CDCP1: variants seen among roughly 807,000 people sequenced by gnomAD.
CDCP1 encodes the protein CUB domain-containing protein 1.
A neutral mutation model predicts 60.2 loss-of-function variants in CDCP1; 29 were observed. The ratio of observed to expected loss-of-function variants is 0.48; its 90% CI spans 0.36 to 0.66. The LOEUF is 0.66. CDCP1 is among the 30% of genes least tolerant of loss of function. The probability of loss-of-function intolerance (pLI) is 0.00; values close to 1 mark genes in which losing one functional copy is unlikely to be tolerated. For synonymous variants in CDCP1, 387 were observed against 431.1 expected, an observed-to-expected ratio of 0.90 and a Z score of 1.27; for missense variants, 876 against 1,074.3, an observed-to-expected ratio of 0.82 and a Z score of 2.58.
intron 1 of CDCP1, among the ~76,000 whole-genome samples, chr3:45,141,910 C>T (rs1031345896): frequency 1.6e-4 from 24 of 152,252 alleles, no homozygotes; most frequent in African/African-American, 5.8e-4. Context: ...AGGCTTACTC[C>T]AACCTCTGCC....
At chr3:45,124,101 A>G (rs1472529051) in intron 1 of CDCP1, among the ~76,000 whole-genome samples, 2 of 152,092 alleles carry the variant, frequency 1.3e-5, no homozygotes, top group African/African-American at 2.4e-5. Flanking sequence ...AAGAATTTCC[A>G]TTTGTTTTAA....
intron 1 of CDCP1, among the ~76,000 whole-genome samples, chr3:45,137,738 G>C (rs546867314): frequency 6.6e-6 from 1 of 150,884 alleles, no homozygotes; most frequent in Non-Finnish European, 1.5e-5. Flanking sequence ...CAGAATTGCC[G>C]GAACCTGGGA....
At chr3:45,114,884 A>T (rs1252351213) in intron 2 of CDCP1, among the ~76,000 whole-genome samples, 1 of 152,238 alleles carries the variant, frequency 6.6e-6, no homozygotes, top group Non-Finnish European at 1.5e-5. Flanking sequence ...ATATTTTCAT[A>T]TCATTTTCAA....
At chr3:45,131,673 C>A (rs1244136870) in intron 1 of CDCP1, among the ~76,000 whole-genome samples, 1 of 151,980 alleles carries the variant, frequency 6.6e-6, no homozygotes, top group African/African-American at 2.4e-5. Flanking sequence ...CACAGTAATC[C>A]CCTGGATTAC....
At chr3:45,140,815 TG>T (rs1278449970) in intron 1 of CDCP1, among the ~76,000 whole-genome samples, 2 of 152,222 alleles carry the variant, frequency 1.3e-5, no homozygotes, top group Non-Finnish European at 2.9e-5. Context: ...ATTTCAGAAA[TG>T]TGTATATTTA....
At position 45,126,443 on chromosome 3, in the gene CDCP1, T is replaced by C. The variant is rs540822589; in HGVS notation, c.83-7822A>G. Among the ~76,000 whole-genome samples the C allele has an allele frequency of 2.0e-5, 3 of 152,192 alleles. No homozygotes were observed. In the East Asian group the frequency reaches 5.8e-4, roughly 29 times the overall value. ...TAGTCACATCGCCAAACTTGGAGTCTTCCTAGTCCAGTGGACCTGAGGCAG... is the reference window on the plus strand; with the variant it reads ...TAGTCACATCGCCAAACTTGGAGTCCTCCTAGTCCAGTGGACCTGAGGCAG... On this transcript the variant is annotated intron_variant, in intron 1 of 8. Transcript: ENST00000296129.
intron 1 of CDCP1, among the ~76,000 whole-genome samples, chr3:45,124,265 T>C (rs1698936609): frequency 6.6e-6 from 1 of 152,220 alleles, no homozygotes; most frequent in Non-Finnish European, 1.5e-5. Flanking sequence ...GAAGTCATTT[T>C]TCTCCCAGAT....
chr3:45,128,965 C>A (rs1402613054), intron 1 of CDCP1, among the ~76,000 whole-genome samples: 2 of 152,236 alleles, frequency 1.3e-5, no homozygotes, highest in Admixed American at 1.3e-4. Flanking sequence ...GATACACCTG[C>A]CTTAGCCTCC....
upstream of CDCP1, chr3:45,146,457 C>T: frequency 1.9e-6 from 1 of 518,086 alleles, no homozygotes; most frequent in Non-Finnish European, 3.3e-6. Context: ...CCGGTGCGTC[C>T]CTCCTCTCTC....
chr3:45,086,305 G>T (rs1425099283), intron 8 of CDCP1, among the ~76,000 whole-genome samples: 1 of 152,170 alleles, frequency 6.6e-6, no homozygotes, highest in East Asian at 1.9e-4. Flanking sequence ...GTAGAAGAGT[G>T]GTTTAGAGAG....
intron 2 of CDCP1, among the ~76,000 whole-genome samples, chr3:45,113,398 CA>C (rs1345181503): frequency 1.3e-5 from 2 of 152,046 alleles, no homozygotes; most frequent in East Asian, 3.8e-4. Flanking sequence ...AAAGAGAAAA[CA>C]AGAGGAAAGT....
rs531832180 is a variant in CDCP1 at position 45,142,011 on chromosome 3, T to C, written c.82+4195A>G. Among the ~76,000 whole-genome samples, 6 of 152,256 alleles carry C rather than the reference T, an allele frequency of 3.9e-5. No individual in the cohort carries two copies. The South Asian group carries it at 1.2e-3, about 32-fold the overall frequency. Reference sequence around the variant, plus strand: ...CATGTTTGGCTAATTTTTGTATTTTTTAGTACAGACGGTGTTTTGCCATGT... The same window carrying C: ...CATGTTTGGCTAATTTTTGTATTTTCTAGTACAGACGGTGTTTTGCCATGT... On this transcript the variant is annotated intron_variant, in intron 1 of 8. Transcript: ENST00000296129.
chr3:45,138,061 T>C (rs1421042135), intron 1 of CDCP1, among the ~76,000 whole-genome samples: 1 of 152,132 alleles, frequency 6.6e-6, no homozygotes, highest in Non-Finnish European at 1.5e-5. Context: ...ATAGCTGCAA[T>C]CCCCAGGAGA....
chr3:45,128,267 A>G (rs1249992865), intron 1 of CDCP1, among the ~76,000 whole-genome samples: 3 of 152,238 alleles, frequency 2.0e-5, no homozygotes, highest in Non-Finnish European at 4.4e-5. Flanking sequence ...GGGCATGCAC[A>G]GTGCAGGTGG....
chr3:45,085,397 A>G lies in CDCP1; in HGVS notation c.*241T>C. 2 of 493,170 alleles carry G rather than the reference A, an allele frequency of 4.1e-6. No individual in the cohort carries two copies. Among genetic ancestry groups the G allele is most frequent in the Non-Finnish European group, 3.6e-6 (1 of 276,402 alleles). 30.5% of individuals were successfully genotyped at this position (493,170 alleles called of 1,614,324 possible). ...CTCTCATTACAGGCTGGCTAACCGC[A>G]CAGCCTAAGTTGAGGAGCACATGAG... On this transcript the variant is annotated 3_prime_UTR_variant, in exon 9 of 9. Coordinates refer to ENST00000296129, the MANE Select transcript of CDCP1 (RefSeq NM_022842.5). The surrounding 1 kb of genome is among the most constrained non-coding windows in gnomAD (Gnocchi z 4.2).
At chr3:45,099,012 T>C (rs970826403) in intron 4 of CDCP1, among the ~76,000 whole-genome samples, 1 of 152,180 alleles carries the variant, frequency 6.6e-6, no homozygotes, top group African/African-American at 2.4e-5. Flanking sequence ...GGGGCTGCTC[T>C]TGATGCCTGG....
chr3:45,101,618 G>T (rs1165143842), intron 4 of CDCP1, among the ~76,000 whole-genome samples: 1 of 152,176 alleles, frequency 6.6e-6, no homozygotes, highest in Non-Finnish European at 1.5e-5. Flanking sequence ...TGGGTGCAGT[G>T]GTTCATGTCT....
Position 45,091,207 on chromosome 3 carries a change from C to T in CDCP1, c.1959G>A (p.Leu653=). ...TTGGGGTAAGTGTCACCGAGAAGAGCAGGTCTAGCTGCTTGCCGCTCGTGG... is the reference window on the plus strand; with the variant it reads ...TTGGGGTAAGTGTCACCGAGAAGAGTAGGTCTAGCTGCTTGCCGCTCGTGG... The part of the protein sequence containing the change: ...CSPTSGKQLD[L]LFSVTLTPRT... Residue 653 remains leucine, a synonymous_variant, in exon 7 of 9, where the codon CTG becomes CTA. Coordinates refer to ENST00000296129, the MANE Select transcript of CDCP1 (RefSeq NM_022842.5). This position sits in a 1 kb window ranked among gnomAD's most constrained non-coding sequence, Gnocchi z 4.8. 1 of 1,613,784 alleles carries T rather than the reference C, an allele frequency of 6.2e-7. No homozygotes were observed. The highest frequency in any genetic ancestry group is 8.5e-7 in the Non-Finnish European group (1 of 1,179,968).
intron 4 of CDCP1, among the ~76,000 whole-genome samples, chr3:45,108,953 A>ATATATATATATATAT (rs1401302861): frequency 2.4e-5 from 1 of 41,134 alleles, no homozygotes; most frequent in Non-Finnish European, 4.7e-5. Context: ...ATATATATAT[A>ATATATATATATATAT]TTTTTTTTTT....
Sources: gnomAD v4.1 joint callset for allele counts (sites outside exome capture counted in the v4.1 genomes callset) on GRCh38, gnomAD v4.1.1 for gene constraint, Gnocchi (gnomAD v3.1) non-coding constraint, MANE v1.5 for transcripts, NCBI Gene and HGNC (gene_info 2026-07-23, HGNC 2026-07-21) for gene names.